The following LOXHD1 variants were observed in gnomAD, a reference collection of about 807,000 sequenced individuals.
LOXHD1 encodes lipoxygenase homology domain-containing protein 1.
In LOXHD1, 205 loss-of-function variants were observed where a neutral mutation model predicts 248.2. That is an observed-to-expected ratio of 0.83 (90% CI 0.74 to 0.93). The LOEUF (loss-of-function observed/expected upper bound fraction) is 0.93, where lower values mean the gene tolerates loss of function less well. Among genes scored for constraint, LOXHD1 ranks in the 40% least tolerant of loss-of-function variants. The pLI, the probability that LOXHD1 is intolerant of heterozygous loss-of-function variation, is 0.00. For missense variants in LOXHD1, 2,930 were observed against 2,971.6 expected, an observed-to-expected ratio of 0.99 and a Z score of 0.33; for synonymous variants, 1,113 against 1,162.8, an observed-to-expected ratio of 0.96 and a Z score of 0.87.
intron 12 of LOXHD1, 85 bp downstream of exon 12, chr18:46,591,848 G>T: frequency 6.8e-7 from 1 of 1,477,664 alleles, no homozygotes; most frequent in Non-Finnish European, 9.2e-7. Context: ...AAGCAGACAA[G>T]ACTCTCAGCT....
At chr18:46,590,588 G>A (rs1416094855) in intron 12 of LOXHD1, among the ~76,000 whole-genome samples, 1 of 152,090 alleles carries the variant, frequency 6.6e-6, no homozygotes, top group East Asian at 1.9e-4. Flanking sequence ...AAAAGTAATT[G>A]CAATTTTTGC....
intron 19 of LOXHD1, 35 bp downstream of exon 19, chr18:46,560,048 T>TGGCGGGCCCCCCCC: frequency 8.2e-7 from 1 of 1,226,298 alleles, no homozygotes; most frequent in Non-Finnish European, 1.1e-6. Flanking sequence ...GTCTGGCCAC[T>TGGCGGGCCCCCCCC]CCCTCCCCAC....
intron 34 of LOXHD1, among the ~76,000 whole-genome samples, chr18:46,515,318 C>T (rs1193421555): frequency 2.0e-5 from 3 of 152,156 alleles, no homozygotes; most frequent in African/African-American, 7.2e-5. Flanking sequence ...AAGATACAGA[C>T]ATTCTTAACA....
At chr18:46,500,808 A>G (rs907336919) in intron 37 of LOXHD1, among the ~76,000 whole-genome samples, 1 of 151,982 alleles carries the variant, frequency 6.6e-6, no homozygotes, top group Non-Finnish European at 1.5e-5. Context: ...GGGCTTTTAT[A>G]TTTGCTATTC....
At chr18:46,488,326 T>C (rs917956508) in intron 38 of LOXHD1, among the ~76,000 whole-genome samples, 1 of 152,176 alleles carries the variant, frequency 6.6e-6, no homozygotes, top group East Asian at 1.9e-4. Context: ...GAAAAATGTT[T>C]TGTTGTGTGA....
intron 28 of LOXHD1, among the ~76,000 whole-genome samples, chr18:46,532,802 G>A (rs2036131902): frequency 6.6e-6 from 1 of 152,248 alleles, no homozygotes; most frequent in South Asian, 2.1e-4. Context: ...AGAGGCCAAA[G>A]CCAGTGATTG....
intron 1 of LOXHD1, among the ~76,000 whole-genome samples, chr18:46,650,969 G>A (rs970955021): frequency 2.6e-5 from 4 of 152,236 alleles, no homozygotes; most frequent in South Asian, 2.1e-4. Flanking sequence ...GATTAGAGAT[G>A]ATGTATGAAA....
chr18:46,644,415 T>C (rs1327030015), intron 2 of LOXHD1, among the ~76,000 whole-genome samples: 3 of 152,232 alleles, frequency 2.0e-5, no homozygotes, highest in African/African-American at 7.2e-5. Context: ...CCTGCACCCA[T>C]GACGGTATCA....
intron 14 of LOXHD1, 126 bp from the exon 15 acceptor site, chr18:46,572,288 A>C (rs2037767779): frequency 6.0e-6 from 5 of 836,142 alleles, no homozygotes; most frequent in African/African-American, 3.4e-5. Flanking sequence ...AAATGATTCT[A>C]TGGGAGCATC....
rs1055708080 is a variant in LOXHD1 at position 46,523,200 on chromosome 18, G to A, written c.4877-891C>T. Reference sequence around the variant, plus strand: ...GACCTCAGGTGATCTGCCCACCTTGGCCTCCCAAAGTGCTGGGATTACAGG... The same window carrying A: ...GACCTCAGGTGATCTGCCCACCTTGACCTCCCAAAGTGCTGGGATTACAGG... On this transcript the variant is annotated intron_variant, in intron 31 of 40. Coordinates refer to ENST00000642948, the MANE Select transcript of LOXHD1 (RefSeq NM_001384474.1). Among the ~76,000 whole-genome samples, 7 of 152,132 alleles carry A rather than the reference G, an allele frequency of 4.6e-5. No individual in the cohort carries two copies. The East Asian group carries it at 7.7e-4, about 17-fold the overall frequency.
rs746107582 is a variant in LOXHD1 at position 46,594,025 on chromosome 18, C to T, written c.1271-265G>A. Among the ~76,000 whole-genome samples the T allele has an allele frequency of 1.8e-4, 27 of 152,306 alleles. No homozygotes were observed. The South Asian group carries it at 2.1e-3, about 12-fold the overall frequency. ...GGGGAACGAGTTGACTCCACCCACC[C>T]TATGTCCAGTACTTTCAGAGTGCAC... On this transcript the variant is annotated intron_variant, in intron 9 of 40. Coordinates refer to ENST00000642948, the MANE Select transcript of LOXHD1 (RefSeq NM_001384474.1).
At chr18:46,648,293 A>G (rs2039058685) in intron 2 of LOXHD1, among the ~76,000 whole-genome samples, 1 of 151,984 alleles carries the variant, frequency 6.6e-6, no homozygotes, top group African/African-American at 2.4e-5. Context: ...ACAAAAAACA[A>G]TCAAACAAAA....
At position 46,497,602 on chromosome 18, in the gene LOXHD1, A is replaced by C. The variant is rs76448073; in HGVS notation, c.5878+8236T>G. 4.8e-3 allele frequency among the ~76,000 whole-genome samples: 725 copies of C among 152,310 alleles called. 8 individuals carry two copies. The highest frequency in any genetic ancestry group is 0.017 in the African/African-American group (689 of 41,566). ...GGAAAACTGAGTTCCCTATAACTGA[A>C]GCATAAAAAGACAGGGAAGGGTCTG... On this transcript the variant is annotated intron_variant, in intron 37 of 40. Transcript: ENST00000642948.
intron 29 of LOXHD1, among the ~76,000 whole-genome samples, chr18:46,528,003 G>A (rs904387701): frequency 2.6e-5 from 4 of 152,144 alleles, no homozygotes; most frequent in African/African-American, 9.7e-5. Context: ...TCTGACTCAC[G>A]GGGTCACCAG....
chr18:46,580,518 A>T (rs910619194), intron 12 of LOXHD1, among the ~76,000 whole-genome samples: 1 of 152,236 alleles, frequency 6.6e-6, no homozygotes, highest in African/African-American at 2.4e-5. Flanking sequence ...ACTTAAAGTA[A>T]GCTGAAAAGT....
chr18:46,629,334 G>A (rs1315907688), intron 4 of LOXHD1, among the ~76,000 whole-genome samples: 2 of 152,194 alleles, frequency 1.3e-5, no homozygotes, highest in African/African-American at 2.4e-5. Context: ...ATTACTCTAC[G>A]ATAATATCCT....
At chr18:46,647,780 G>A (rs941417340) in intron 2 of LOXHD1, among the ~76,000 whole-genome samples, 2 of 152,202 alleles carry the variant, frequency 1.3e-5, no homozygotes, top group Non-Finnish European at 1.5e-5. Flanking sequence ...CAGGGTGCAG[G>A]GATCTCCTGG....
chr18:46,638,288 T>C (rs328198), intron 4 of LOXHD1, among the ~76,000 whole-genome samples: 46,970 of 152,164 alleles, frequency 0.31, 8,400 homozygotes, highest in East Asian at 0.47. Context: ...TTTTCTACAA[T>C]GATCAAATTT....
chr18:46,503,065 T>C (rs963094325), intron 37 of LOXHD1, among the ~76,000 whole-genome samples: 1 of 152,212 alleles, frequency 6.6e-6, no homozygotes. Context: ...GCCCTCACTA[T>C]GCTCCAGGTA....
Sources: gnomAD v4.1 joint callset for allele counts (sites outside exome capture counted in the v4.1 genomes callset) on GRCh38, gnomAD v4.1.1 for gene constraint, MANE v1.5 for transcripts, NCBI Gene and HGNC (gene_info 2026-07-23, HGNC 2026-07-21) for gene names.